The following EREG variants were observed in gnomAD, a reference collection of about 807,000 sequenced individuals.
EREG encodes the protein epiregulin.
EREG carries 23 observed loss-of-function variants against 22.4 expected under a neutral mutation model. The ratio of observed to expected loss-of-function variants is 1.03; its 90% confidence interval spans 0.74 to 1.46. The LOEUF (loss-of-function observed/expected upper bound fraction) is 1.46, where lower values mean the gene tolerates loss of function less well. Among genes scored for constraint, EREG ranks in the 40% most tolerant of loss-of-function variants. The pLI is 0.00. For synonymous variants in EREG, 100 were observed against 75.4 expected (o/e 1.33, Z -1.69); for missense variants, 226 against 205.9 (o/e 1.10, Z -0.60).
chr4:74,368,716 G>A (rs1752241607), intron 1 of EREG, among the ~76,000 whole-genome samples: 1 of 152,180 alleles, frequency 6.6e-6, no homozygotes, highest in Non-Finnish European at 1.5e-5. Flanking sequence ...GTAAATTAAG[G>A]TGGGGTTTCC....
chr4:74,372,342 T>C (rs755045761), intron 1 of EREG, among the ~76,000 whole-genome samples: 4 of 152,258 alleles, frequency 2.6e-5, no homozygotes, highest in Non-Finnish European at 5.9e-5. Context: ...TCCCTTTCTC[T>C]TGTTTTGTGT....
intron 1 of EREG, among the ~76,000 whole-genome samples, chr4:74,373,748 CTA>C (rs1221809462): frequency 1.4e-5 from 2 of 145,776 alleles, no homozygotes; most frequent in Non-Finnish European, 3.0e-5. Context: ...GTATATATAT[CTA>C]TACACACACA....
chr4:74,381,224 A>T (rs1046986306), intron 3 of EREG, 87 bp downstream of exon 3: 8 of 1,164,342 alleles, frequency 6.9e-6, no homozygotes, highest in Admixed American at 1.9e-5. Flanking sequence ...TAGTGGATAT[A>T]TTCAGTAGTG....
At chr4:74,382,035 T>G (rs867668222) in intron 3 of EREG, 7 of 137,842 alleles carry the variant, frequency 5.1e-5, no homozygotes, top group Middle Eastern at 9.3e-3. Context: ...CCAGGCGCAG[T>G]GGCTCAACCC....
chr4:74,365,503 T>C, intron 1 of EREG, 128 bp downstream of exon 1: 1 of 565,012 alleles, frequency 1.8e-6, no homozygotes, highest in Non-Finnish European at 2.9e-6. Flanking sequence ...TAAAATTACG[T>C]CTTGTTTTGT....
At chr4:74,374,582 G>A (rs548173687) in intron 1 of EREG, among the ~76,000 whole-genome samples, 16 of 152,176 alleles carry the variant, frequency 1.1e-4, no homozygotes, top group Non-Finnish European at 1.8e-4. Flanking sequence ...AAAATAAACC[G>A]TATGCAATAG....
Position 74,365,300 on chromosome 4 carries a change from CCAT to C in EREG, c.-7_-5del. The C allele has an allele frequency of 6.2e-7, 1 of 1,602,012 alleles. No individual in the cohort carries two copies. The highest frequency in any genetic ancestry group is 8.5e-7 in the Non-Finnish European group (1 of 1,179,190). ...CTCCGCCAAGCCCCAGCGCCCGCTC[CCAT>C]CGCCGATGACCGCGGGGAGGAGGAT... On this transcript the variant is annotated 5_prime_UTR_variant, in exon 1 of 5. Coordinates refer to ENST00000244869, the MANE Select transcript of EREG (RefSeq NM_001432.3).
intron 1 of EREG, among the ~76,000 whole-genome samples, chr4:74,369,511 T>G (rs764996774): frequency 1.3e-4 from 20 of 152,228 alleles, no homozygotes; most frequent in Non-Finnish European, 2.1e-4. Context: ...GCGAAAGACA[T>G]TATTTCATTC....
intron 1 of EREG, among the ~76,000 whole-genome samples, chr4:74,368,904 G>A (rs979571894): frequency 4.6e-5 from 7 of 152,114 alleles, no homozygotes; most frequent in African/African-American, 2.4e-5. Context: ...GGCAATTCTG[G>A]AACCTTTGAA....
Position 74,387,225 on chromosome 4 carries a change from C to T in EREG, c.*2417C>T, listed in dbSNP as rs1280236492. On this transcript the variant is annotated 3_prime_UTR_variant, in exon 5 of 5. Coordinates refer to ENST00000244869, the MANE Select transcript of EREG (RefSeq NM_001432.3). ...CCCGATTTTAGTATGTGCAGGGGGG[C>T]GATCTGGGAATCAGTCCCCTGTGGA... is the stretch of plus-strand genomic sequence containing the variant. 2 of 151,878 alleles carry T rather than the reference C, an allele frequency of 1.3e-5. No homozygotes were observed. Among genetic ancestry groups the T allele is most frequent in the Non-Finnish European group, 2.9e-5 (2 of 67,996 alleles). The allele number at this position is 151,878 out of a possible 1,614,324, so 9.4% of individuals were successfully genotyped here. A position where few individuals can be genotyped will look rare whatever the true frequency, so the allele number is the denominator to read the frequency against.
intron 1 of EREG, among the ~76,000 whole-genome samples, chr4:74,377,196 T>A (rs1041913197): frequency 1.3e-5 from 2 of 151,862 alleles, no homozygotes; most frequent in African/African-American, 2.4e-5. Context: ...TTTCACTGTA[T>A]TCTCCCCAAA....
intron 3 of EREG, chr4:74,381,356 A>C: frequency 2.2e-6 from 1 of 450,674 alleles, no homozygotes; most frequent in Non-Finnish European, 4.0e-6. Flanking sequence ...AGAGTCTATT[A>C]CTCCACTCTC....
rs1309657920 is a variant in EREG at position 74,387,527 on chromosome 4, A to G, written c.*2719A>G. 1 of 152,194 alleles carries G rather than the reference A, an allele frequency of 6.6e-6. No individual in the cohort carries two copies. The highest frequency in any genetic ancestry group is 1.5e-5 in the Non-Finnish European group (1 of 68,040). The allele number at this position is 152,194 out of a possible 1,614,324, so 9.4% of individuals were successfully genotyped here. On this transcript the variant is annotated 3_prime_UTR_variant, in exon 5 of 5. Coordinates refer to ENST00000244869, the MANE Select transcript of EREG (RefSeq NM_001432.3). ...CCCTAAAATAGTTAGATCTTTGTAA[A>G]TGCATATTAAATAATAAAGTATGAC... is the stretch of plus-strand genomic sequence containing the variant.
intron 1 of EREG, among the ~76,000 whole-genome samples, chr4:74,367,987 T>C (rs1359896982): frequency 6.6e-6 from 1 of 152,148 alleles, no homozygotes; most frequent in East Asian, 1.9e-4. Context: ...AAAATAACTG[T>C]GTGAGGTAGA....
chr4:74,385,842 C>T lies in EREG; in HGVS notation c.*1034C>T, dbSNP rs1437115809. ...ATTCAAGGAAGTTTTAACTTTAATACAGCTCAGTAAATGGCTTCTTCTAGA... is the reference window on the plus strand; with the variant it reads ...ATTCAAGGAAGTTTTAACTTTAATATAGCTCAGTAAATGGCTTCTTCTAGA... On this transcript the variant is annotated 3_prime_UTR_variant, in exon 5 of 5. Transcript: ENST00000244869. 1.3e-5 allele frequency: 5 copies of T among 396,448 alleles called. No homozygotes were observed. The highest frequency in any genetic ancestry group is 2.2e-5 in the Non-Finnish European group (5 of 224,768). The allele number at this position is 396,448 out of a possible 1,614,324, so 24.6% of individuals were successfully genotyped here.
At chr4:74,381,415 A>G (rs998498140) in intron 3 of EREG, 1 of 235,192 alleles carries the variant, frequency 4.3e-6, no homozygotes, top group African/African-American at 2.3e-5. Flanking sequence ...AGAACATGTG[A>G]TAAACAAATG....
At position 74,368,494 on chromosome 4, in the gene EREG, A is replaced by T. The variant is rs147793114; in HGVS notation, c.67+3119A>T. 4.2e-3 allele frequency among the ~76,000 whole-genome samples: 637 copies of T among 152,248 alleles called. 3 individuals carry two copies. Among genetic ancestry groups the T allele is most frequent in the Non-Finnish European group, 7.6e-3 (519 of 68,008 alleles). ...GAATTGGATATAGCATTGATAAGGGATCAACTTGGGATCTATAGCCCATTC... is the reference window on the plus strand; with the variant it reads ...GAATTGGATATAGCATTGATAAGGGTTCAACTTGGGATCTATAGCCCATTC... On this transcript the variant is annotated intron_variant, in intron 1 of 4. Transcript: ENST00000244869.
chr4:74,381,822 A>T, intron 3 of EREG: 1 of 11,302 alleles, frequency 8.8e-5, no homozygotes, highest in Non-Finnish European at 1.4e-4. Flanking sequence ...TAAAAATACA[A>T]AAAAAAAAAA....
In EREG at chr4:74,384,683, C is replaced by T. The variant is rs749070280; in HGVS notation, c.429-44C>T. ...CATATATAACACACTTGTTCCTTTG[C>T]TATTAACTGCAGTGCTAACAGTTTC... On this transcript the variant is annotated intron_variant, in intron 4 of 4. Coordinates refer to ENST00000244869, the MANE Select transcript of EREG (RefSeq NM_001432.3). The T allele has an allele frequency of 2.6e-5, 29 of 1,110,540 alleles. No homozygotes were observed. The South Asian group carries it at 3.5e-4, about 14-fold the overall frequency. The allele number at this position is 1,110,540 out of a possible 1,614,324, so 68.8% of individuals were successfully genotyped here.
Sources: gnomAD v4.1 joint callset for allele counts (sites outside exome capture counted in the v4.1 genomes callset) on GRCh38, gnomAD v4.1.1 for gene constraint, MANE v1.5 for transcripts, NCBI Gene and HGNC (gene_info 2026-07-23, HGNC 2026-07-21) for gene names.